FGF12: variants seen among roughly 807,000 people sequenced by gnomAD.
FGF12 encodes the protein fibroblast growth factor 12.
Under a neutral mutation model 23.6 loss-of-function variants are expected in FGF12, and 14 were observed. That is an observed-to-expected ratio of 0.59 (90% CI 0.39 to 0.93). FGF12 has a LOEUF of 0.93. FGF12 is among the 40% of genes least tolerant of loss of function. The pLI is 0.00. For missense variants in FGF12, 175 were observed against 217.8 expected (o/e 0.80, Z 1.24); for synonymous variants, 62 against 77.3 (o/e 0.80, Z 1.04).
chr3:192,343,260 G>T (rs1458947818), intron 3 of FGF12, among the ~76,000 whole-genome samples: 1 of 152,076 alleles, frequency 6.6e-6, no homozygotes, highest in Admixed American at 6.6e-5. Context: ...AGATATTTGG[G>T]TTTATAATCT....
rs202176509 is a variant in FGF12 at position 192,581,745 on chromosome 3, C to CT, written c.13+145435dup. Among the ~76,000 whole-genome samples the CT allele has an allele frequency of 8.0e-3, 1,213 of 152,068 alleles. 18 individuals carry two copies. The highest frequency in any genetic ancestry group is 0.028 in the African/African-American group (1,173 of 41,492). On this transcript the variant is annotated intron_variant, in intron 2 of 5. Coordinates refer to ENST00000445105, the MANE Select transcript of FGF12 (RefSeq NM_004113.6). ...CTTTAGAACCCAAATGGCATGATGG[C>CT]TTTTTTATCTAAATACACTGTAATT...
At chr3:192,376,635 T>G (rs568275935) in intron 2 of FGF12, among the ~76,000 whole-genome samples, 2 of 152,340 alleles carry the variant, frequency 1.3e-5, no homozygotes, top group African/African-American at 4.8e-5. Flanking sequence ...GTGCTGGGAT[T>G]ACAGGCGTGA....
At chr3:192,575,537 G>A (rs549179383) in intron 2 of FGF12, among the ~76,000 whole-genome samples, 3 of 152,240 alleles carry the variant, frequency 2.0e-5, no homozygotes, top group African/African-American at 7.2e-5. Context: ...GGAAGAGGAG[G>A]AGGAGGAGGA....
intron 4 of FGF12, among the ~76,000 whole-genome samples, chr3:192,212,736 G>C (rs1717997754): frequency 6.7e-6 from 1 of 148,468 alleles, no homozygotes; most frequent in African/African-American, 2.5e-5. Context: ...TGGCATCCTG[G>C]AGACTGAGAA....
At chr3:192,303,107 A>G (rs1715432183) in intron 4 of FGF12, among the ~76,000 whole-genome samples, 1 of 152,216 alleles carries the variant, frequency 6.6e-6, no homozygotes, top group African/African-American at 2.4e-5. Context: ...CAAACAATAT[A>G]TCAATTTTCC....
At chr3:192,347,145 C>T (rs1438291177) in intron 3 of FGF12, among the ~76,000 whole-genome samples, 1 of 152,048 alleles carries the variant, frequency 6.6e-6, no homozygotes, top group Non-Finnish European at 1.5e-5. Context: ...TTTTAACTCC[C>T]CAGATTATTC....
chr3:192,585,370 C>T (rs1290089146), intron 2 of FGF12, among the ~76,000 whole-genome samples: 1 of 152,098 alleles, frequency 6.6e-6, no homozygotes, highest in Non-Finnish European at 1.5e-5. Flanking sequence ...TGCCTCTTTC[C>T]AGCTGTAAGC....
At chr3:192,392,407 A>AAAATAAAAAAT (rs1720331825) in intron 2 of FGF12, among the ~76,000 whole-genome samples, 1 of 136,642 alleles carries the variant, frequency 7.3e-6, no homozygotes, top group Non-Finnish European at 1.5e-5. Flanking sequence ...GTCTCTACTA[A>AAAATAAAAAAT]AAATAAAAAA....
intron 4 of FGF12, among the ~76,000 whole-genome samples, chr3:192,248,289 T>C (rs1213935649): frequency 6.6e-6 from 1 of 152,198 alleles, no homozygotes; most frequent in East Asian, 1.9e-4. Context: ...AATATGTTAT[T>C]TGAAGCTATT....
chr3:192,567,325 G>A (rs975806192), intron 2 of FGF12, among the ~76,000 whole-genome samples: 3 of 151,986 alleles, frequency 2.0e-5, no homozygotes, highest in Non-Finnish European at 4.4e-5. Context: ...GGTTGGGGCT[G>A]TAAGTTATTC....
intron 2 of FGF12, among the ~76,000 whole-genome samples, chr3:192,412,379 G>A (rs1721225578): frequency 6.6e-6 from 1 of 152,186 alleles, no homozygotes; most frequent in African/African-American, 2.4e-5. Context: ...GGTAGCTGTT[G>A]CTGTTTGAAG....
chr3:192,614,774 A>G (rs1020752732), intron 2 of FGF12, among the ~76,000 whole-genome samples: 10 of 151,960 alleles, frequency 6.6e-5, no homozygotes, highest in African/African-American at 1.9e-4. Flanking sequence ...AAAGTGAGAG[A>G]GAGAAAGGTT....
At chr3:192,515,857 G>A (rs1001067459) in intron 2 of FGF12, among the ~76,000 whole-genome samples, 7 of 144,234 alleles carry the variant, frequency 4.9e-5, no homozygotes, top group Non-Finnish European at 9.0e-5. Context: ...TTTTCCTGAT[G>A]CCAACAATGC....
chr3:192,461,958 C>A (rs1456220606), intron 2 of FGF12, among the ~76,000 whole-genome samples: 1 of 151,740 alleles, frequency 6.6e-6, no homozygotes, highest in Non-Finnish European at 1.5e-5. Flanking sequence ...CCACGGCACT[C>A]CAGCCTGGGC....
intron 2 of FGF12, among the ~76,000 whole-genome samples, chr3:192,379,035 T>C (rs113433802): frequency 2.0e-5 from 3 of 152,164 alleles, no homozygotes; most frequent in African/African-American, 7.2e-5. Flanking sequence ...CCTGCATTAG[T>C]CTAAGGATAA....
In FGF12 at chr3:192,409,658, G is replaced by T. The variant is rs1488485315; in HGVS notation, c.14-49120C>A. ...GGTGGGGCGGGGGCTGGCTGCAGGCGATGTTGGCTCGCGGCGGCTGAGGCT... is the reference window on the plus strand; with the variant it reads ...GGTGGGGCGGGGGCTGGCTGCAGGCTATGTTGGCTCGCGGCGGCTGAGGCT... On this transcript the variant is annotated intron_variant, in intron 2 of 5. Coordinates refer to ENST00000445105, the MANE Select transcript of FGF12 (RefSeq NM_004113.6). The surrounding 1 kb of genome is among the most constrained non-coding windows in gnomAD (Gnocchi z 4.8). 2.0e-5 allele frequency among the ~76,000 whole-genome samples: 3 copies of T among 152,324 alleles called. No homozygotes were observed. The highest frequency in any genetic ancestry group is 2.0e-4 in the Admixed American group (3 of 15,306).
At chr3:192,551,218 T>G (rs1032530074) in intron 2 of FGF12, among the ~76,000 whole-genome samples, 1 of 152,212 alleles carries the variant, frequency 6.6e-6, no homozygotes, top group Non-Finnish European at 1.5e-5. Flanking sequence ...GGGGTCACTT[T>G]CCAGGGGCAG....
At chr3:192,254,540 T>G (rs1044687509) in intron 4 of FGF12, among the ~76,000 whole-genome samples, 10 of 152,058 alleles carry the variant, frequency 6.6e-5, no homozygotes, top group African/African-American at 2.2e-4. Context: ...AATTTATCAT[T>G]GAAGATAAAT....
At chr3:192,646,213 TATCA>T (rs3043792) in intron 2 of FGF12, among the ~76,000 whole-genome samples, 30 of 150,570 alleles carry the variant, frequency 2.0e-4, no homozygotes, top group Non-Finnish European at 3.6e-4. Context: ...TGAGACACAA[TATCA>T]ATCAATCAAT....
Sources: gnomAD v4.1 joint callset for allele counts (sites outside exome capture counted in the v4.1 genomes callset) on GRCh38, gnomAD v4.1.1 for gene constraint, Gnocchi (gnomAD v3.1) non-coding constraint, MANE v1.5 for transcripts, NCBI Gene and HGNC (gene_info 2026-07-23, HGNC 2026-07-21) for gene names.